Variants in MTMR2 observed in about 807,000 individuals in gnomAD.
MTMR2 encodes the protein phosphatidylinositol-3,5-bisphosphate 3-phosphatase MTMR2.
MTMR2 carries 55 observed loss-of-function variants against 86.9 expected under a neutral mutation model. The observed-to-expected ratio is 0.63, with a 90% confidence interval of 0.51 to 0.79. The LOEUF is 0.79. Ranked by LOEUF, MTMR2 falls within the 30% of genes least tolerant of loss-of-function variation. The probability of loss-of-function intolerance (pLI) is 0.00; values close to 1 mark genes in which losing one functional copy is unlikely to be tolerated. For missense variants in MTMR2, 659 were observed against 772.3 expected (o/e 0.85, Z 1.74); for synonymous variants, 241 against 266.8 (o/e 0.90, Z 0.94).
chr11:95,877,263 C>G (rs1259607142), intron 2 of MTMR2, among the ~76,000 whole-genome samples: 2 of 146,064 alleles, frequency 1.4e-5, no homozygotes, highest in East Asian at 4.1e-4. Context: ...GAGCCACAGA[C>G]TGGCATCTGG....
chr11:95,883,163 C>A (rs1389145616), intron 2 of MTMR2, among the ~76,000 whole-genome samples: 1 of 152,022 alleles, frequency 6.6e-6, no homozygotes, highest in Non-Finnish European at 1.5e-5. Flanking sequence ...CTTTCAATAA[C>A]CATCATTTGA....
At position 95,923,874 on chromosome 11, in the gene MTMR2, C is replaced by T. The variant is rs373884864; in HGVS notation, c.80+1G>A. The T allele has an allele frequency of 6.5e-7, 1 of 1,540,752 alleles. No homozygotes were observed. Among genetic ancestry groups the T allele is most frequent in the African/African-American group, 1.4e-5 (1 of 73,318 alleles). On this transcript the variant is annotated splice_donor_variant, in intron 1 of 14. Coordinates refer to ENST00000346299, the MANE Select transcript of MTMR2 (RefSeq NM_016156.6). LOFTEE classifies it high-confidence loss of function. ...GGCGGGGCCCTGGGCGTCCTGGTTA[C>T]CTGGACAAGGAGTCCACGCTGGGCG... is the stretch of plus-strand genomic sequence containing the variant.
chr11:95,842,364 C>T (rs1030394095), intron 11 of MTMR2, among the ~76,000 whole-genome samples: 4 of 152,146 alleles, frequency 2.6e-5, no homozygotes, highest in African/African-American at 9.7e-5. Flanking sequence ...TGGACACTGG[C>T]CTCAGAAAGC....
intron 7 of MTMR2, among the ~76,000 whole-genome samples, chr11:95,856,709 C>T (rs1864229495): frequency 6.6e-6 from 1 of 151,880 alleles, no homozygotes; most frequent in Admixed American, 6.6e-5. Context: ...TATTTTTTTT[C>T]AGTAATAATT....
Position 95,846,507 on chromosome 11 carries a change from A to T in MTMR2, c.1179+1207T>A, listed in dbSNP as rs148768456. ...ACTCTTATTTTGTAAAGAGGCTGGG[A>T]AAGGTCTCTCTCAGAAAGGTGATAT... is the stretch of plus-strand genomic sequence containing the variant. On this transcript the variant is annotated intron_variant, in intron 10 of 14. Coordinates refer to ENST00000346299, the MANE Select transcript of MTMR2 (RefSeq NM_016156.6). Among the ~76,000 whole-genome samples the T allele has an allele frequency of 6.5e-3, 987 of 152,326 alleles. 27 individuals carry two copies. Among genetic ancestry groups the T allele is most frequent in the Admixed American group, 0.042 (643 of 15,288 alleles).
intron 1 of MTMR2, among the ~76,000 whole-genome samples, chr11:95,903,904 G>A (rs1430149486): frequency 1.3e-5 from 2 of 152,118 alleles, no homozygotes; most frequent in Non-Finnish European, 2.9e-5. Context: ...CACGAGGTCA[G>A]GAGATTGACA....
chr11:95,882,124 T>G (rs919926368), intron 2 of MTMR2, among the ~76,000 whole-genome samples: 1 of 152,214 alleles, frequency 6.6e-6, no homozygotes, highest in Admixed American at 6.5e-5. Flanking sequence ...TAACATAAGC[T>G]CTATGAGACT....
At chr11:95,862,197 A>T in intron 4 of MTMR2, 75 bp downstream of exon 4, 1 of 1,529,552 alleles carries the variant, frequency 6.5e-7, no homozygotes, top group Admixed American at 1.7e-5. Flanking sequence ...CTTTAATTAG[A>T]AATGATCAGA....
chr11:95,896,796 A>G (rs995562954), intron 1 of MTMR2, among the ~76,000 whole-genome samples: 4 of 151,624 alleles, frequency 2.6e-5, no homozygotes, highest in African/African-American at 9.7e-5. Flanking sequence ...TTGTGTGCAT[A>G]TTATTCTGTA....
At position 95,880,122 on chromosome 11, in the gene MTMR2, A is replaced by AT. The variant is rs764131380; in HGVS notation, c.186+8033dup. Among the ~76,000 whole-genome samples, 110 of 151,738 alleles carry AT rather than the reference A, an allele frequency of 7.2e-4. 1 individual carries two copies. The Middle Eastern group carries it at 0.01, about 14-fold the overall frequency. ...ATTTTGCCTTTTAGTGTGCCTTGTAATTTTTTCTTGGAAGTCAGACATGTA... is the reference window on the plus strand; with the variant it reads ...ATTTTGCCTTTTAGTGTGCCTTGTAATTTTTTTCTTGGAAGTCAGACATGTA... On this transcript the variant is annotated intron_variant, in intron 2 of 14. Transcript: ENST00000346299.
intron 1 of MTMR2, among the ~76,000 whole-genome samples, chr11:95,902,588 CCTCCCATTCA>C (rs1209309488): frequency 2.0e-5 from 3 of 152,128 alleles, no homozygotes; most frequent in African/African-American, 7.2e-5. Context: ...TCTCATTCTA[CCTCCCATTCA>C]CTCCCTATTC....
chr11:95,849,704 G>C lies in MTMR2; in HGVS notation c.963C>G (p.Ala321=). 6.2e-7 allele frequency: 1 copy of C among 1,613,970 alleles called. No homozygotes were observed. Among genetic ancestry groups the C allele is most frequent in the South Asian group, 1.1e-5 (1 of 91,070 alleles). ...TGGCAACAGCATTAACACTTGGCCG[G>C]GCATCAAATATAAAGATTTTGTGAG... ...AQSHKIFIFD[A]RPSVNAVANK... The change falls in exon 9 of 15, where the codon GCC becomes GCG. Residue 321 remains alanine, a synonymous_variant. Coordinates refer to ENST00000346299, the MANE Select transcript of MTMR2 (RefSeq NM_016156.6).
chr11:95,894,621 A>G (rs1413805141), intron 1 of MTMR2, among the ~76,000 whole-genome samples: 2 of 152,182 alleles, frequency 1.3e-5, no homozygotes, highest in Non-Finnish European at 2.9e-5. Context: ...TATTCCCACT[A>G]TGGAAGCATG....
intron 6 of MTMR2, 101 bp from the exon 7 acceptor site, chr11:95,857,736 C>T: frequency 1.3e-6 from 1 of 755,708 alleles, no homozygotes; most frequent in Non-Finnish European, 2.3e-6. Context: ...TATTTATCTG[C>T]AAGAACATTT....
intron 2 of MTMR2, among the ~76,000 whole-genome samples, chr11:95,872,319 C>T (rs1864921481): frequency 6.6e-6 from 1 of 152,128 alleles, no homozygotes; most frequent in African/African-American, 2.4e-5. Flanking sequence ...TGTAGTTCTC[C>T]TTGAAGAGGT....
chr11:95,890,367 A>G (rs560416649), intron 1 of MTMR2, among the ~76,000 whole-genome samples: 2 of 152,262 alleles, frequency 1.3e-5, no homozygotes, highest in South Asian at 4.2e-4. Flanking sequence ...CCTCCTTCAA[A>G]TAGATTCCCC....
At chr11:95,882,889 ATTTTTTTTTTTTTTTT>A (rs776661875) in intron 2 of MTMR2, among the ~76,000 whole-genome samples, 2 of 76,100 alleles carry the variant, frequency 2.6e-5, no homozygotes, top group African/African-American at 5.9e-5. Context: ...CATCCAGCTA[ATTTTTTTTTTTTTTTT>A]TTTTTTTTTT....
rs1863205654 is a variant in MTMR2, at chr11:95,835,191, C to A, written c.*99G>T. ...AAAATAAATAAAGTGACTGAACTTT[C>A]TCTCATAGATGGGTTCTAAATTCCG... On this transcript the variant is annotated 3_prime_UTR_variant, in exon 15 of 15. Transcript: ENST00000346299. 1 of 1,243,770 alleles carries A rather than the reference C, an allele frequency of 8.0e-7. No individual in the cohort carries two copies. The highest frequency in any genetic ancestry group is 1.2e-6 in the Non-Finnish European group (1 of 860,710). 77.0% of individuals were successfully genotyped at this position (1,243,770 alleles called of 1,614,324 possible). A position where few individuals can be genotyped will look rare whatever the true frequency, so the allele number is the denominator to read the frequency against.
intron 12 of MTMR2, among the ~76,000 whole-genome samples, chr11:95,840,860 C>G (rs774117330): frequency 6.6e-6 from 1 of 152,140 alleles, no homozygotes; most frequent in Non-Finnish European, 1.5e-5. Flanking sequence ...AAAAACAATT[C>G]AGACTTCCAG....
Sources: allele counts gnomAD v4.1 joint callset (sites outside exome capture counted in the v4.1 genomes callset), GRCh38; gene constraint gnomAD v4.1.1; transcripts MANE v1.5; gene names NCBI Gene and HGNC (gene_info 2026-07-23, HGNC 2026-07-21).